SIRPA: variants seen among roughly 807,000 people sequenced by gnomAD.
SIRPA encodes the protein signal regulatory protein alpha, also known as tyrosine-protein phosphatase non-receptor type substrate 1.
A neutral mutation model predicts 50.3 loss-of-function variants in SIRPA; 9 were observed. That is an observed-to-expected ratio of 0.18 (90% confidence interval 0.11 to 0.31). The LOEUF (loss-of-function observed/expected upper bound fraction) is 0.31. SIRPA is among the 10% of genes least tolerant of loss of function. The pLI, the probability that SIRPA is intolerant of heterozygous loss-of-function variation, is 1.00. For synonymous variants in SIRPA, 265 were observed against 284.1 expected, an observed-to-expected ratio of 0.93 and a Z score of 0.68; for missense variants, 474 against 661.6, an observed-to-expected ratio of 0.72 and a Z score of 3.11.
intron 1 of SIRPA, among the ~76,000 whole-genome samples, chr20:1,901,620 G>A (rs1007461953): frequency 2.0e-5 from 3 of 152,128 alleles, no homozygotes; most frequent in Non-Finnish European, 4.4e-5. Flanking sequence ...CCTGGGATGG[G>A]TATTCTGATG....
At chr20:1,913,116 C>T (rs1383800190) in intron 1 of SIRPA, among the ~76,000 whole-genome samples, 1 of 152,174 alleles carries the variant, frequency 6.6e-6, no homozygotes, top group African/African-American at 2.4e-5. Context: ...AGCTGGACTT[C>T]CTGATAATAA....
chr20:1,898,335 A>C lies in SIRPA; in HGVS notation c.79+2809A>C, dbSNP rs1983951566. 6.6e-6 allele frequency among the ~76,000 whole-genome samples: 1 copy of C among 152,200 alleles called. No homozygotes were observed. The highest frequency in any genetic ancestry group is 6.5e-5 in the Admixed American group (1 of 15,278). ...TCCTTTAAAGCCATAGTTTTCTCTG[A>C]GTACTTTCTGGCCTTTACCAACCCC... On this transcript the variant is annotated intron_variant, in intron 1 of 7. Transcript: ENST00000358771. The surrounding 1 kb of genome is among the most constrained non-coding windows in gnomAD (Gnocchi z 4.3).
At chr20:1,914,193 T>C (rs951893906) in intron 1 of SIRPA, among the ~76,000 whole-genome samples, 4 of 152,072 alleles carry the variant, frequency 2.6e-5, no homozygotes, top group African/African-American at 7.2e-5. Flanking sequence ...CTCGTTTTCT[T>C]TTCAGAACAA....
chr20:1,903,202 G>A (rs980034108), intron 1 of SIRPA, among the ~76,000 whole-genome samples: 1 of 152,086 alleles, frequency 6.6e-6, no homozygotes, highest in Non-Finnish European at 1.5e-5. Flanking sequence ...GGGGGAGTGA[G>A]CAGAGGTCAG....
chr20:1,897,251 C>T (rs938827363), intron 1 of SIRPA, among the ~76,000 whole-genome samples: 2 of 152,200 alleles, frequency 1.3e-5, no homozygotes, highest in Non-Finnish European at 2.9e-5. Flanking sequence ...CCGTTCCAAT[C>T]CATTCAGCAT....
intron 1 of SIRPA, among the ~76,000 whole-genome samples, chr20:1,912,590 A>G: frequency 6.6e-6 from 1 of 152,258 alleles, no homozygotes; most frequent in East Asian, 1.9e-4. Flanking sequence ...GAGAAAATCA[A>G]ATATGTGAAT....
At chr20:1,908,669 C>T (rs1408883414) in intron 1 of SIRPA, among the ~76,000 whole-genome samples, 2 of 152,172 alleles carry the variant, frequency 1.3e-5, no homozygotes, top group Non-Finnish European at 1.5e-5. Context: ...CGTGTGTTCT[C>T]GTGTGCATAC....
intron 1 of SIRPA, among the ~76,000 whole-genome samples, chr20:1,910,824 C>T (rs1399643808): frequency 6.6e-6 from 1 of 152,160 alleles, no homozygotes; most frequent in Non-Finnish European, 1.5e-5. Context: ...AAGAGAGTTA[C>T]ATTTTATAGC....
rs1986726515 is a variant in SIRPA, at chr20:1,938,571, T to A, written c.*1003T>A. 6.6e-6 allele frequency: 1 copy of A among 152,648 alleles called. No individual in the cohort carries two copies. Among genetic ancestry groups the A allele is most frequent in the Admixed American group, 6.5e-5 (1 of 15,278 alleles). The allele number at this position is 152,648 out of a possible 1,614,324, so 9.5% of individuals were successfully genotyped here. A position where few individuals can be genotyped will look rare whatever the true frequency, so the allele number is the denominator to read the frequency against. ...TTCTTACAGCGAAGACTTGAGTTCCTCCAAGTCCCAGAACCCCAAGAATGG... is the reference window on the plus strand; with the variant it reads ...TTCTTACAGCGAAGACTTGAGTTCCACCAAGTCCCAGAACCCCAAGAATGG... On this transcript the variant is annotated 3_prime_UTR_variant, in exon 8 of 8. Coordinates refer to ENST00000358771, the MANE Select transcript of SIRPA (RefSeq NM_001040023.2).
chr20:1,894,596 G>A (rs905267402), upstream of SIRPA: 1 of 151,548 alleles, frequency 6.6e-6, no homozygotes, highest in East Asian at 2.0e-4. The surrounding 1 kb of genome is among the most constrained non-coding windows in gnomAD (Gnocchi z 4.0). Flanking sequence ...CTTCTGAACG[G>A]GCACGCTGTC....
chr20:1,926,341 C>T (rs979551280), intron 5 of SIRPA, among the ~76,000 whole-genome samples: 6 of 152,266 alleles, frequency 3.9e-5, no homozygotes, highest in African/African-American at 1.4e-4. Flanking sequence ...GACAGCCCAT[C>T]CCATGGGATG....
chr20:1,895,288 C>T (rs2122923254), upstream of SIRPA: 2 of 431,072 alleles, frequency 4.6e-6, no homozygotes, highest in Non-Finnish European at 7.8e-6. Flanking sequence ...AAAACCGCGG[C>T]GGCGGCGGCG....
At position 1,927,879 on chromosome 20, in the gene SIRPA, G is replaced by C; in HGVS notation, c.1206G>C (p.Gln402His). 1 of 1,613,980 alleles carries C rather than the reference G, an allele frequency of 6.2e-7. No homozygotes were observed. The highest frequency in any genetic ancestry group is 2.2e-5 in the East Asian group (1 of 44,880). Reference sequence around the variant, plus strand: ...TTTGTTTCTTTTGTCTTTCAGCCCAGGGCTCCACTTCTTCTACAAGGTAAG... The same window carrying C: ...TTTGTTTCTTTTGTCTTTCAGCCCACGGCTCCACTTCTTCTACAAGGTAAG... ...YLVRIRQKKA[Q>H]GSTSSTRLHE... is the part of the protein sequence containing the mutation. Residue 402 changes from glutamine to histidine, a missense_variant, in exon 6 of 8, where the codon CAG (glutamine) becomes CAC (histidine). Coordinates refer to ENST00000358771, the MANE Select transcript of SIRPA (RefSeq NM_001040023.2). This position sits in a 1 kb window ranked among gnomAD's most constrained non-coding sequence, Gnocchi z 6.5.
At position 1,937,526 on chromosome 20, in the gene SIRPA, G is replaced by T; in HGVS notation, c.1473G>T (p.Pro491=). The change falls in exon 8 of 8, where the codon CCG becomes CCT. Residue 491 remains proline (P), a synonymous_variant. Transcript: ENST00000358771. The surrounding 1 kb of genome is among the most constrained non-coding windows in gnomAD (Gnocchi z 8.3). ...AGCAGCCGGCCCCCAAGCCTGAGCC[G>T]TCCTTCTCAGAGTACGCCAGCGTCC... ...TPKQPAPKPE[P]SFSEYASVQV... 6.2e-7 allele frequency: 1 copy of T among 1,614,134 alleles called. No individual in the cohort carries two copies. The highest frequency in any genetic ancestry group is 8.5e-7 in the Non-Finnish European group (1 of 1,180,026).
rs949349048 is a variant in SIRPA at position 1,936,518 on chromosome 20, C to T, written c.1267-802C>T. ...GCTAGAACCAGGATTCAAACCCAGGCTTTCTGACTCCAGAACGTTTCCCGC... is the reference window on the plus strand; with the variant it reads ...GCTAGAACCAGGATTCAAACCCAGGTTTTCTGACTCCAGAACGTTTCCCGC... On this transcript the variant is annotated intron_variant, in intron 7 of 7. Coordinates refer to ENST00000358771, the MANE Select transcript of SIRPA (RefSeq NM_001040023.2). This position sits in a 1 kb window ranked among gnomAD's most constrained non-coding sequence, Gnocchi z 4.2. 6.6e-6 allele frequency among the ~76,000 whole-genome samples: 1 copy of T among 152,198 alleles called. No individual in the cohort carries two copies. Among genetic ancestry groups the T allele is most frequent in the African/African-American group, 2.4e-5 (1 of 41,434 alleles).
chr20:1,940,198 G>T lies in SIRPA; in HGVS notation c.*2630G>T, dbSNP rs953333240. The T allele has an allele frequency of 6.6e-6, 1 of 152,226 alleles. No homozygotes were observed. The highest frequency in any genetic ancestry group is 1.5e-5 in the Non-Finnish European group (1 of 68,058). 9.4% of individuals were successfully genotyped at this position (152,226 alleles called of 1,614,324 possible). On this transcript the variant is annotated 3_prime_UTR_variant, in exon 8 of 8. Transcript: ENST00000358771. ...CACCTCTTTGAGACTTGGGCCCCGC[G>T]TCGGCACAATGGGGCAGGAATAGTC...
Position 1,937,543 on chromosome 20 carries a change from C to A in SIRPA, c.1490C>A (p.Ala497Asp). 1 of 1,614,142 alleles carries A rather than the reference C, an allele frequency of 6.2e-7. No homozygotes were observed. Among genetic ancestry groups the A allele is most frequent in the Non-Finnish European group, 8.5e-7 (1 of 1,180,016 alleles). ...PKPEPSFSEY[A>D]SVQVPRK Reference sequence around the variant, plus strand: ...CCTGAGCCGTCCTTCTCAGAGTACGCCAGCGTCCAGGTCCCGAGGAAGTGA... The same window carrying A: ...CCTGAGCCGTCCTTCTCAGAGTACGACAGCGTCCAGGTCCCGAGGAAGTGA... Residue 497 changes from alanine to aspartate, a missense_variant, in exon 8 of 8, where the codon GCC (alanine) becomes GAC (aspartate). Transcript: ENST00000358771. The surrounding 1 kb of genome is among the most constrained non-coding windows in gnomAD (Gnocchi z 8.3).
chr20:1,897,611 C>T (rs916995218), intron 1 of SIRPA, among the ~76,000 whole-genome samples: 3 of 152,268 alleles, frequency 2.0e-5, no homozygotes, highest in South Asian at 4.1e-4. Flanking sequence ...TGGATTTGTT[C>T]GAGTGAGAAA....
chr20:1,914,370 G>A (rs68064046), intron 1 of SIRPA, among the ~76,000 whole-genome samples: 62,137 of 151,920 alleles, frequency 0.41, 12,993 homozygotes, highest in East Asian at 0.66. Context: ...CCCCAGCCTT[G>A]GCTTATTTTA....
Sources: gnomAD v4.1 joint callset for allele counts (sites outside exome capture counted in the v4.1 genomes callset) on GRCh38, gnomAD v4.1.1 for gene constraint, Gnocchi (gnomAD v3.1) non-coding constraint, MANE v1.5 for transcripts, NCBI Gene and HGNC (gene_info 2026-07-23, HGNC 2026-07-21) for gene names.